Variants in EP400 observed in about 807,000 individuals in gnomAD.
The protein encoded by EP400 is E1A-binding protein p400.
In EP400, 105 loss-of-function variants were observed where a neutral mutation model predicts 354.1. The ratio of observed to expected loss-of-function variants is 0.30; its 90% CI spans 0.25 to 0.35. The LOEUF (loss-of-function observed/expected upper bound fraction) is 0.35, where lower values mean the gene tolerates loss of function less well. Ranked by LOEUF, EP400 falls within the 10% of genes least tolerant of loss-of-function variation. The pLI is 1.00. For missense variants in EP400, 3,280 were observed against 4,121.0 expected (o/e 0.80, Z 5.59); for synonymous variants, 1,646 against 1,716.9 (o/e 0.96, Z 1.02).
intron 1 of EP400, among the ~76,000 whole-genome samples, chr12:131,952,119 G>A (rs574368415): frequency 6.6e-6 from 1 of 150,830 alleles, no homozygotes; most frequent in African/African-American, 2.4e-5. Context: ...GAAAAATGGG[G>A]TTTCACCCCC....
chr12:131,991,747 A>ATT (rs34586080), intron 10 of EP400, among the ~76,000 whole-genome samples: 1 of 144,718 alleles, frequency 6.9e-6, no homozygotes, highest in African/African-American at 2.5e-5. Context: ...CACCTGGCTA[A>ATT]TTTTTTTTTT....
intron 1 of EP400, among the ~76,000 whole-genome samples, chr12:131,954,368 T>G (rs1292939758): frequency 6.6e-6 from 1 of 151,608 alleles, no homozygotes; most frequent in African/African-American, 2.4e-5. Context: ...AGGAGAATTG[T>G]TTGAGCCCCA....
At position 132,073,931 on chromosome 12, in the gene EP400, T is replaced by TTTG. The variant is rs1379164196; in HGVS notation, c.9022-2583_9022-2582insGTT. On this transcript the variant is annotated intron_variant, in intron 51 of 52. Transcript: ENST00000389561. ...ATTGTTTTTTGGGGTTTTTTTTTTTTTTTTTTTTTTTTTTTGAGACGGAGG... is the reference window on the plus strand; with the variant it reads ...ATTGTTTTTTGGGGTTTTTTTTTTTTTTGTTTTTTTTTTTTTTTGAGACGGAGG... 3.3e-4 allele frequency among the ~76,000 whole-genome samples: 44 copies of TTTG among 131,414 alleles called. 2 individuals are homozygous for TTTG. The highest frequency in any genetic ancestry group is 1.3e-3 in the African/African-American group (43 of 33,498). 86.2% of individuals were successfully genotyped at this position (131,414 alleles called of 152,430 possible). A position where few individuals can be genotyped will look rare whatever the true frequency, so the allele number is the denominator to read the frequency against.
At chr12:132,026,642 CT>C (rs2136550322) in intron 25 of EP400, among the ~76,000 whole-genome samples, 1 of 152,308 alleles carries the variant, frequency 6.6e-6, no homozygotes, top group South Asian at 2.1e-4. Flanking sequence ...CTGCACCCTT[CT>C]TTGCGGGCTG....
chr12:132,029,989 G>A lies in EP400; in HGVS notation c.5585G>A (p.Gly1862Glu). The A allele has an allele frequency of 6.2e-7, 1 of 1,614,028 alleles. No homozygotes were observed. Among genetic ancestry groups the A allele is most frequent in the Admixed American group, 1.7e-5 (1 of 60,016 alleles). The change falls in exon 29 of 53, where the codon GGG becomes GAG. Residue 1862 changes from glycine to glutamate, a missense_variant and splice_region_variant. By Grantham distance (98) the Gly-to-Glu change is moderately conservative. Transcript: ENST00000389561. This position sits in a 1 kb window ranked among gnomAD's most constrained non-coding sequence, Gnocchi z 4.7. Reference sequence around the variant, plus strand: ...GCTCTTGATGTGATTCGTTTCCCAGGGAAGTTGGAAGCTTTAGCTATCTTG... The same window carrying A: ...GCTCTTGATGTGATTCGTTTCCCAGAGAAGTTGGAAGCTTTAGCTATCTTG... ...PELRLVQFDS[G>E]KLEALAILLQ...
chr12:132,045,943 G>A, intron 39 of EP400, 43 bp downstream of exon 39: 1 of 1,604,598 alleles, frequency 6.2e-7, no homozygotes, highest in Non-Finnish European at 8.5e-7. Context: ...GCACAGGCAG[G>A]TGTGGTGGCC....
intron 2 of EP400, among the ~76,000 whole-genome samples, chr12:131,972,215 C>T (rs1033976818): frequency 3.3e-5 from 5 of 151,296 alleles, no homozygotes; most frequent in South Asian, 2.1e-4. Flanking sequence ...TGCAGTGGCG[C>T]GATCTCGGTT....
At chr12:132,035,108 C>T (rs1275826314) in intron 30 of EP400, among the ~76,000 whole-genome samples, 2 of 152,158 alleles carry the variant, frequency 1.3e-5, no homozygotes, top group African/African-American at 2.4e-5. Context: ...ATGAACAGTC[C>T]ATCCCAATTG....
Position 132,059,915 on chromosome 12 carries a change from C to T in EP400, c.7885-2195C>T, listed in dbSNP as rs143016946. 5.3e-3 allele frequency among the ~76,000 whole-genome samples: 806 copies of T among 151,314 alleles called. 3 individuals carry two copies. The highest frequency in any genetic ancestry group is 8.3e-3 in the Non-Finnish European group (565 of 67,866). On this transcript the variant is annotated intron_variant, in intron 45 of 52. Coordinates refer to ENST00000389561, the MANE Select transcript of EP400 (RefSeq NM_015409.5). Reference sequence around the variant, plus strand: ...GCACGCGTGTGTAGTCCCAGCTACTCGGGAGGCTGAGGCAGGAGAATTGCT... The same window carrying T: ...GCACGCGTGTGTAGTCCCAGCTACTTGGGAGGCTGAGGCAGGAGAATTGCT...
At position 132,075,322 on chromosome 12, in the gene EP400, C is replaced by T. The variant is rs1896200374; in HGVS notation, c.9022-1194C>T. On this transcript the variant is annotated intron_variant, in intron 51 of 52. Coordinates refer to ENST00000389561, the MANE Select transcript of EP400 (RefSeq NM_015409.5). The surrounding 1 kb of genome is among the most constrained non-coding windows in gnomAD (Gnocchi z 4.5). ...GTGCGTCTCCATGTGGCCAGCGATC[C>T]CGGGCAGAGGTTGTGCAGCTTTTCT... Among the ~76,000 whole-genome samples, 3 of 151,962 alleles carry T rather than the reference C, an allele frequency of 2.0e-5. No individual in the cohort carries two copies. Among genetic ancestry groups the T allele is most frequent in the Admixed American group, 2.0e-4 (3 of 15,238 alleles).
intron 15 of EP400, among the ~76,000 whole-genome samples, chr12:132,007,427 T>A (rs904147667): frequency 4.6e-5 from 7 of 152,360 alleles, no homozygotes; most frequent in Non-Finnish European, 1.0e-4. Context: ...CAGCCCCAAC[T>A]GGCTCTTCAC....
At chr12:132,020,308 G>T (rs1565918318) in intron 22 of EP400, 90 bp downstream of exon 22, 1 of 1,434,524 alleles carries the variant, frequency 7.0e-7, no homozygotes, top group East Asian at 2.5e-5. Flanking sequence ...TCTGGATGCG[G>T]TAATTGTCCC....
At chr12:131,988,615 G>A (rs1003502055) in intron 7 of EP400, among the ~76,000 whole-genome samples, 2 of 152,172 alleles carry the variant, frequency 1.3e-5, no homozygotes, top group African/African-American at 2.4e-5. Flanking sequence ...CAAAGCAGGC[G>A]CAGAGTCCTT....
At chr12:131,979,168 C>T (rs575293320) in intron 2 of EP400, among the ~76,000 whole-genome samples, 2 of 151,018 alleles carry the variant, frequency 1.3e-5, no homozygotes, top group South Asian at 2.1e-4. Flanking sequence ...ACTGAGATCC[C>T]GCCACTACAC....
At chr12:131,984,089 G>A (rs1160175209) in intron 5 of EP400, among the ~76,000 whole-genome samples, 4 of 152,066 alleles carry the variant, frequency 2.6e-5, no homozygotes, top group African/African-American at 7.2e-5. Flanking sequence ...TAGTAAAGAC[G>A]AGGTTTCTCC....
At chr12:131,966,659 T>G (rs984021834) in intron 2 of EP400, among the ~76,000 whole-genome samples, 1 of 150,040 alleles carries the variant, frequency 6.7e-6, no homozygotes, top group African/African-American at 2.5e-5. Context: ...ATCCCAGCAC[T>G]TTCGGAGGCT....
At position 131,990,575 on chromosome 12, in the gene EP400, C is replaced by T. The variant is rs1399961348; in HGVS notation, c.2551-61C>T. 2 of 1,269,086 alleles carry T rather than the reference C, an allele frequency of 1.6e-6. No individual in the cohort carries two copies. Among genetic ancestry groups the T allele is most frequent in the African/African-American group, 3.0e-5 (2 of 66,948 alleles). The allele number at this position is 1,269,086 out of a possible 1,614,324, so 78.6% of individuals were successfully genotyped here. On this transcript the variant is annotated intron_variant, in intron 8 of 52. Transcript: ENST00000389561. This position sits in a 1 kb window ranked among gnomAD's most constrained non-coding sequence, Gnocchi z 4.2. Reference sequence around the variant, plus strand: ...CTTATGTGCTTTAGTGTTTTGTATGCAGAACGTCTGTAATTCCCATCCTTA... The same window carrying T: ...CTTATGTGCTTTAGTGTTTTGTATGTAGAACGTCTGTAATTCCCATCCTTA...
chr12:132,053,178 T>TC lies in EP400; in HGVS notation c.7429dup (p.Gln2477ProfsTer19). The TC allele has an allele frequency of 6.2e-7, 1 of 1,613,892 alleles. No homozygotes were observed. The highest frequency in any genetic ancestry group is 8.5e-7 in the Non-Finnish European group (1 of 1,179,960). On this transcript the variant is annotated frameshift_variant, in exon 42 of 53. Coordinates refer to ENST00000389561, the MANE Select transcript of EP400 (RefSeq NM_015409.5). LOFTEE classifies it high-confidence loss of function. ...AACTATGACAAGCCGCTGCCTCCCA[T>TC]CCAGGTGGCATCTCTCCGTGCAGAG...
chr12:132,013,536 C>G lies in EP400; in HGVS notation c.3658C>G (p.Leu1220Val), dbSNP rs753537480. 3 of 1,606,980 alleles carry G rather than the reference C, an allele frequency of 1.9e-6. No individual in the cohort carries two copies. The highest frequency in any genetic ancestry group is 3.4e-5 in the Admixed American group (2 of 58,652). ...LIDSPLHNTF[L>V]ELWTMVHFLV... ...CGACTCGCCGCTGCACAATACCTTCCTGGAGCTCTGGACCATGGTGCACTT... is the reference window on the plus strand; with the variant it reads ...CGACTCGCCGCTGCACAATACCTTCGTGGAGCTCTGGACCATGGTGCACTT... Residue 1220 changes from leucine to valine, a missense_variant, in exon 18 of 53, where the codon CTG (leucine) becomes GTG (valine). Leu to Val is a conservative substitution (Grantham distance 32). Coordinates refer to ENST00000389561, the MANE Select transcript of EP400 (RefSeq NM_015409.5). This position sits in a 1 kb window ranked among gnomAD's most constrained non-coding sequence, Gnocchi z 4.5.
Sources: allele counts gnomAD v4.1 joint callset (sites outside exome capture counted in the v4.1 genomes callset), GRCh38; gene constraint gnomAD v4.1.1; non-coding constraint Gnocchi (gnomAD v3.1); transcripts MANE v1.5; gene names NCBI Gene and HGNC (gene_info 2026-07-23, HGNC 2026-07-21).